The following CADPS variants were observed in gnomAD, a reference collection of about 807,000 sequenced individuals.
CADPS encodes the protein calcium-dependent secretion activator 1.
CADPS carries 57 observed loss-of-function variants against 167.3 expected under a neutral mutation model. The ratio of observed to expected loss-of-function variants is 0.34; its 90% CI spans 0.28 to 0.42. CADPS has a LOEUF of 0.42. Among genes scored for constraint, CADPS ranks in the 20% least tolerant of loss-of-function variants. CADPS has a pLI of 1.00. For synonymous variants in CADPS, 676 were observed against 635.3 expected (o/e 1.06, Z -0.96); for missense variants, 1,414 against 1,738.1 (o/e 0.81, Z 3.32).
intron 3 of CADPS, among the ~76,000 whole-genome samples, chr3:62,663,458 C>A (rs759002652): frequency 1.3e-5 from 2 of 152,016 alleles, no homozygotes; most frequent in African/African-American, 2.4e-5. Flanking sequence ...GAAAAGTTTA[C>A]TAAGGAGCAG....
chr3:62,673,420 C>T (rs1374773192), intron 3 of CADPS, among the ~76,000 whole-genome samples: 4 of 152,262 alleles, frequency 2.6e-5, no homozygotes, highest in African/African-American at 9.6e-5. Context: ...GAATAACTGA[C>T]TAAAGTGGTG....
chr3:62,518,189 T>A lies in CADPS; in HGVS notation c.2353A>T (p.Arg785Trp). ...TGATTTTCTAGCAGAACTCGGAGCC[T>A]CTCTTTGATTTCTTCAAAACGTTCC... ...EKERFEEIKE[R>W]LRVLLENQIT... Residue 785 changes from arginine to tryptophan, a missense_variant, in exon 14 of 30, where the codon AGG becomes TGG. Arg to Trp is a moderately radical substitution (Grantham distance 101). Transcript: ENST00000383710. 6.2e-7 allele frequency: 1 copy of A among 1,612,892 alleles called. No individual in the cohort carries two copies. The highest frequency in any genetic ancestry group is 8.5e-7 in the Non-Finnish European group (1 of 1,179,470).
chr3:62,859,011 A>G (rs1577456221), intron 1 of CADPS, among the ~76,000 whole-genome samples: 1 of 152,200 alleles, frequency 6.6e-6, no homozygotes, highest in East Asian at 1.9e-4. Flanking sequence ...GCTGGAAACA[A>G]AAGACTATGC....
At position 62,458,544 on chromosome 3, in the gene CADPS, A is replaced by G. The variant is rs889011327; in HGVS notation, c.3636+6823T>C. Among the ~76,000 whole-genome samples the G allele has an allele frequency of 1.1e-4, 16 of 152,072 alleles. No homozygotes were observed. The highest frequency in any genetic ancestry group is 3.9e-4 in the African/African-American group (16 of 41,414). On this transcript the variant is annotated intron_variant, in intron 26 of 29. Coordinates refer to ENST00000383710, the MANE Select transcript of CADPS (RefSeq NM_003716.4). This position sits in a 1 kb window ranked among gnomAD's most constrained non-coding sequence, Gnocchi z 4.6. ...GGCTCTATCACCCAGGCTGGAGTGA[A>G]GTGGCACGATTTCAGCTCACTACAA... is the stretch of plus-strand genomic sequence containing the variant.
At chr3:62,585,164 A>G in intron 8 of CADPS, 21 bp downstream of exon 8, 1 of 1,610,888 alleles carries the variant, frequency 6.2e-7, no homozygotes, top group South Asian at 1.1e-5. Flanking sequence ...CAAAACTGCT[A>G]GTTGGGGAAG....
At position 62,687,632 on chromosome 3, in the gene CADPS, T is replaced by C. The variant is rs367758759; in HGVS notation, c.889-25238A>G. Among the ~76,000 whole-genome samples the C allele has an allele frequency of 1.6e-4, 25 of 152,110 alleles. No homozygotes were observed. In the East Asian group the frequency reaches 3.1e-3, roughly 19 times the overall value. ...TCAGGGGTGATTATCATGAGTACTT[T>C]TTCTTTCTGCTAATATTATCTATTG... On this transcript the variant is annotated intron_variant, in intron 3 of 29. Transcript: ENST00000383710.
At chr3:62,642,208 C>A (rs1364460302) in intron 6 of CADPS, among the ~76,000 whole-genome samples, 1 of 151,488 alleles carries the variant, frequency 6.6e-6, no homozygotes, top group Non-Finnish European at 1.5e-5. Context: ...GTAGCAGCAA[C>A]CATGGAATTT....
chr3:62,531,432 G>A (rs2073659273), intron 13 of CADPS, among the ~76,000 whole-genome samples: 1 of 152,174 alleles, frequency 6.6e-6, no homozygotes, highest in Admixed American at 6.5e-5. Flanking sequence ...CTTGTTGCCT[G>A]TTAAATATTC....
chr3:62,401,789 T>C (rs1305755636), intron 29 of CADPS, among the ~76,000 whole-genome samples: 1 of 152,112 alleles, frequency 6.6e-6, no homozygotes, highest in Non-Finnish European at 1.5e-5. Context: ...CTGACTTATA[T>C]TTTTCCTTCA....
chr3:62,532,880 T>C lies in CADPS; in HGVS notation c.2282A>G (p.His761Arg). Residue 761 changes from histidine to arginine, a missense_variant, in exon 13 of 30, where the codon CAT becomes CGT. His to Arg is a conservative substitution (Grantham distance 29, BLOSUM62 0). Transcript: ENST00000383710. ...ACGAACACACACTTACCTGTTCCCATGGACATGGGATGCACAGAAGGCAAA... is the reference window on the plus strand; with the variant it reads ...ACGAACACACACTTACCTGTTCCCACGGACATGGGATGCACAGAAGGCAAA... ...YSFAFCASHV[H>R]GNRPDGIGTV... 6.2e-7 allele frequency: 1 copy of C among 1,613,420 alleles called. No individual in the cohort carries two copies. Among genetic ancestry groups the C allele is most frequent in the Non-Finnish European group, 8.5e-7 (1 of 1,179,678 alleles).
At chr3:62,443,481 C>T (rs945679795) in intron 27 of CADPS, among the ~76,000 whole-genome samples, 11 of 152,070 alleles carry the variant, frequency 7.2e-5, no homozygotes, top group Admixed American at 5.9e-4. Context: ...TGGCTGTGTC[C>T]CCACCCAAAT....
chr3:62,630,402 G>A (rs940186282), intron 6 of CADPS, among the ~76,000 whole-genome samples: 1 of 152,150 alleles, frequency 6.6e-6, no homozygotes, highest in African/African-American at 2.4e-5. Context: ...GTGCAGTGGT[G>A]AGATCTCTGT....
chr3:62,447,478 T>C (rs1017979368), intron 26 of CADPS, among the ~76,000 whole-genome samples: 3 of 152,182 alleles, frequency 2.0e-5, no homozygotes, highest in African/African-American at 7.2e-5. Context: ...TCCCATATAA[T>C]GTCATGAGAG....
chr3:62,746,448 A>G (rs1187696852), intron 3 of CADPS, among the ~76,000 whole-genome samples: 5 of 152,042 alleles, frequency 3.3e-5, no homozygotes, highest in Non-Finnish European at 7.4e-5. Context: ...CGATTCTCCC[A>G]CCTTGGCCCC....
chr3:62,705,095 G>T (rs2151644664), intron 3 of CADPS, among the ~76,000 whole-genome samples: 1 of 152,216 alleles, frequency 6.6e-6, no homozygotes. Flanking sequence ...TAAGACAGAG[G>T]AGGGGCTCTG....
rs866685503 is a variant in CADPS at position 62,696,370 on chromosome 3, C to G, written c.889-33976G>C. 6.6e-5 allele frequency among the ~76,000 whole-genome samples: 10 copies of G among 152,230 alleles called. No homozygotes were observed. In the South Asian group the frequency reaches 2.1e-3, roughly 32 times the overall value. ...GTGCCTTCCCCAGCAGCAGTGAACTCCAGTTTGCCACACTGTCAATACTTG... is the reference window on the plus strand; with the variant it reads ...GTGCCTTCCCCAGCAGCAGTGAACTGCAGTTTGCCACACTGTCAATACTTG... On this transcript the variant is annotated intron_variant, in intron 3 of 29. Coordinates refer to ENST00000383710, the MANE Select transcript of CADPS (RefSeq NM_003716.4).
chr3:62,718,635 T>G (rs189122244), intron 3 of CADPS, among the ~76,000 whole-genome samples: 19 of 152,172 alleles, frequency 1.2e-4, no homozygotes, highest in African/African-American at 3.6e-4. Context: ...GTAGGTTGAG[T>G]CAGTTTGGCA....
chr3:62,642,915 GACAAAACAAAACAAAACAAA>G (rs59057183), intron 6 of CADPS, among the ~76,000 whole-genome samples: 22 of 146,776 alleles, frequency 1.5e-4, no homozygotes, highest in South Asian at 2.2e-4. Flanking sequence ...TATCTCAAAA[GACAAAACAAAACAAAACAAA>G]ACAAAACAAA....
At chr3:62,640,886 A>G (rs2067272814) in intron 6 of CADPS, among the ~76,000 whole-genome samples, 1 of 152,228 alleles carries the variant, frequency 6.6e-6, no homozygotes, top group South Asian at 2.1e-4. Flanking sequence ...ACCAATAAAT[A>G]TAATTTTGGA....
Sources: gnomAD v4.1 joint callset for allele counts (sites outside exome capture counted in the v4.1 genomes callset) on GRCh38, gnomAD v4.1.1 for gene constraint, Gnocchi (gnomAD v3.1) non-coding constraint, MANE v1.5 for transcripts, NCBI Gene and HGNC (gene_info 2026-07-23, HGNC 2026-07-21) for gene names.